Variants in GRIN2A observed in about 807,000 individuals in gnomAD.
The protein encoded by GRIN2A is glutamate ionotropic receptor NMDA type subunit 2A, also known as glutamate receptor ionotropic, NMDA 2A.
A neutral mutation model predicts 113.4 loss-of-function variants in GRIN2A; 22 were observed. The observed-to-expected ratio is 0.19, with a 90% CI of 0.14 to 0.28. GRIN2A has a LOEUF of 0.28. GRIN2A is among the 10% of genes least tolerant of loss of function. The pLI is 1.00. For synonymous variants in GRIN2A, 827 were observed against 738.4 expected (o/e 1.12, Z -1.94); for missense variants, 1,502 against 1,887.0 (o/e 0.80, Z 3.78).
intron 2 of GRIN2A, among the ~76,000 whole-genome samples, chr16:10,126,829 A>T (rs1246302843): frequency 6.6e-6 from 1 of 152,178 alleles, no homozygotes; most frequent in African/African-American, 2.4e-5. Flanking sequence ...CATGTCCAAG[A>T]TGTCTCAGAA....
chr16:10,072,924 G>A (rs72774129), intron 2 of GRIN2A, among the ~76,000 whole-genome samples: 12,991 of 149,472 alleles, frequency 0.087, 659 homozygotes, highest in Non-Finnish European at 0.11. Context: ...GGCAAGATGA[G>A]GAAACTCAGT....
chr16:10,020,868 C>A (rs764353534), intron 2 of GRIN2A, among the ~76,000 whole-genome samples: 14 of 152,168 alleles, frequency 9.2e-5, no homozygotes, highest in Non-Finnish European at 5.9e-5. Flanking sequence ...CCAGCTCCAA[C>A]ATAAAGAGCC....
intron 2 of GRIN2A, among the ~76,000 whole-genome samples, chr16:10,114,660 G>A (rs1221019460): frequency 6.6e-6 from 1 of 152,164 alleles, no homozygotes; most frequent in African/African-American, 2.4e-5. Flanking sequence ...AAAAGGTTAT[G>A]AACCCACTGA....
rs145833287 is a variant in GRIN2A at position 9,763,710 on chromosome 16, T to C, written c.3834A>G (p.Gln1278=). 3.1e-6 allele frequency: 5 copies of C among 1,614,110 alleles called. No homozygotes were observed. Among genetic ancestry groups the C allele is most frequent in the African/African-American group, 2.7e-5 (2 of 75,040 alleles). ...TAATCCTTAGCTTGTTCTTTTGTAA[T>C]TGAAGGGCATTGTTCTGTGCCCAGT... ...QQDWAQNNAL[Q]LQKNKLRISR... The change falls in exon 13 of 13, where the codon CAA becomes CAG. Residue 1278 remains glutamine, a synonymous_variant. Coordinates refer to ENST00000330684, the MANE Select transcript of GRIN2A (RefSeq NM_001134407.3).
At chr16:10,110,481 G>C (rs1179123417) in intron 2 of GRIN2A, among the ~76,000 whole-genome samples, 1 of 152,254 alleles carries the variant, frequency 6.6e-6, no homozygotes, top group Non-Finnish European at 1.5e-5. Context: ...AAGTGGCAAG[G>C]GGGCAAAGTG....
At chr16:10,031,577 G>A (rs1251426472) in intron 2 of GRIN2A, 1 of 152,198 alleles carries the variant, frequency 6.6e-6, no homozygotes, top group African/African-American at 2.4e-5. Flanking sequence ...AGACAGTGGT[G>A]CACAATAATT....
intron 11 of GRIN2A, among the ~76,000 whole-genome samples, chr16:9,789,255 A>C (rs544479331): frequency 1.3e-5 from 2 of 152,346 alleles, no homozygotes; most frequent in South Asian, 4.1e-4. Flanking sequence ...ATAAATGCTA[A>C]GGGAAATACT....
At chr16:9,931,509 T>G (rs2044593565) in intron 3 of GRIN2A, among the ~76,000 whole-genome samples, 1 of 152,146 alleles carries the variant, frequency 6.6e-6, no homozygotes, top group South Asian at 2.1e-4. Flanking sequence ...AACTTATACT[T>G]GGTAAATATG....
At chr16:10,123,276 G>T (rs888995911) in intron 2 of GRIN2A, among the ~76,000 whole-genome samples, 1 of 152,170 alleles carries the variant, frequency 6.6e-6, no homozygotes, top group African/African-American at 2.4e-5. Context: ...CTGGCTCGGG[G>T]CTCCCTGCGT....
intron 2 of GRIN2A, among the ~76,000 whole-genome samples, chr16:9,975,060 T>C (rs867761049): frequency 2.6e-5 from 4 of 152,200 alleles, no homozygotes; most frequent in Middle Eastern, 3.2e-3. Flanking sequence ...TTAAATTTTA[T>C]AGGAATTAAA....
intron 5 of GRIN2A, among the ~76,000 whole-genome samples, chr16:9,846,539 ATCTC>A (rs1210870245): frequency 6.6e-6 from 1 of 152,136 alleles, no homozygotes; most frequent in Non-Finnish European, 1.5e-5. Flanking sequence ...GGAAGTAAAA[ATCTC>A]TCTTCCTAGT....
chr16:10,011,641 C>G (rs2046507577), intron 2 of GRIN2A, among the ~76,000 whole-genome samples: 1 of 152,186 alleles, frequency 6.6e-6, no homozygotes, highest in African/African-American at 2.4e-5. Flanking sequence ...ATTGCAGATG[C>G]ACGCTTTTTG....
chr16:10,176,287 G>C (rs770365248), intron 2 of GRIN2A, among the ~76,000 whole-genome samples: 76 of 152,114 alleles, frequency 5.0e-4, no homozygotes, highest in Non-Finnish European at 8.4e-4. Flanking sequence ...TTACAGGTGT[G>C]AACCACCTCG....
At chr16:9,919,120 C>T (rs182682907) in intron 3 of GRIN2A, among the ~76,000 whole-genome samples, 63 of 152,246 alleles carry the variant, frequency 4.1e-4, no homozygotes, top group African/African-American at 1.3e-3. Flanking sequence ...TTGCAGTGAG[C>T]CTGGATCACG....
intron 11 of GRIN2A, among the ~76,000 whole-genome samples, chr16:9,783,292 G>A (rs1286726302): frequency 6.6e-6 from 1 of 152,208 alleles, no homozygotes; most frequent in Non-Finnish European, 1.5e-5. Flanking sequence ...AAGGAATCAG[G>A]ATAGCCATTG....
chr16:9,808,472 A>G (rs1301395140), intron 10 of GRIN2A, among the ~76,000 whole-genome samples: 1 of 152,202 alleles, frequency 6.6e-6, no homozygotes, highest in Non-Finnish European at 1.5e-5. Context: ...ATGAGAGTGA[A>G]AGAGAGATTC....
intron 4 of GRIN2A, among the ~76,000 whole-genome samples, chr16:9,878,548 G>A (rs967210724): frequency 1.3e-5 from 2 of 152,156 alleles, no homozygotes; most frequent in Admixed American, 6.5e-5. Flanking sequence ...CTGACACACA[G>A]TGGGAACTCA....
chr16:10,075,321 C>T (rs139495680), intron 2 of GRIN2A, among the ~76,000 whole-genome samples: 125 of 152,170 alleles, frequency 8.2e-4, no homozygotes, highest in African/African-American at 2.7e-3. Context: ...AATGACGTGA[C>T]TTGTCTAAAG....
chr16:10,037,704 C>T (rs1309256414), intron 2 of GRIN2A, among the ~76,000 whole-genome samples: 2 of 152,136 alleles, frequency 1.3e-5, no homozygotes, highest in African/African-American at 2.4e-5. Context: ...GAGTTCACTG[C>T]AGCCTCTACC....
Sources: gnomAD v4.1 joint callset for allele counts (sites outside exome capture counted in the v4.1 genomes callset) on GRCh38, gnomAD v4.1.1 for gene constraint, MANE v1.5 for transcripts, NCBI Gene and HGNC (gene_info 2026-07-23, HGNC 2026-07-21) for gene names.